SERPINF1: variants seen among roughly 807,000 people sequenced by gnomAD.
SERPINF1 encodes serpin family F member 1, also known as pigment epithelium-derived factor.
Under a neutral mutation model 37.3 loss-of-function variants are expected in SERPINF1, and 29 were observed. That is an observed-to-expected ratio of 0.78 (90% CI 0.58 to 1.06). The LOEUF is 1.06. SERPINF1 is among the 50% of genes least tolerant of loss of function. The pLI is 0.00. For missense variants in SERPINF1, 553 were observed against 532.2 expected (o/e 1.04, Z -0.38); for synonymous variants, 281 against 227.9 (o/e 1.23, Z -2.10).
chr17:1,765,401 A>C (rs939126797), intron 1 of SERPINF1, among the ~76,000 whole-genome samples: 23 of 151,838 alleles, frequency 1.5e-4, no homozygotes, highest in Admixed American at 3.9e-4. Context: ...GGCTCACTGC[A>C]ACCTCTGCCT....
intron 1 of SERPINF1, among the ~76,000 whole-genome samples, chr17:1,763,776 C>T (rs116270751): frequency 0.024 from 3,627 of 152,356 alleles, 151 homozygotes; most frequent in African/African-American, 0.083. Flanking sequence ...TCAGCCTACC[C>T]ACATTGTGAC....
At chr17:1,765,851 A>T (rs1907337183) in intron 1 of SERPINF1, among the ~76,000 whole-genome samples, 1 of 142,648 alleles carries the variant, frequency 7.0e-6, no homozygotes, top group African/African-American at 2.6e-5. Flanking sequence ...TGGGCAGCAC[A>T]GCAAGATCTT....
At position 1,777,465 on chromosome 17, in the gene SERPINF1, C is replaced by G. The variant is rs763077910; in HGVS notation, c.*19C>G. The G allele has an allele frequency of 3.7e-6, 6 of 1,613,912 alleles. No homozygotes were observed. In the South Asian group the frequency reaches 5.5e-5, roughly 15 times the overall value. On this transcript the variant is annotated 3_prime_UTR_variant, in exon 8 of 8. Transcript: ENST00000254722. Reference sequence around the variant, plus strand: ...CCCCTAATATCCCAGTTTAATATTCCAATACCCTAGAAGAAAACCCGAGGG... The same window carrying G: ...CCCCTAATATCCCAGTTTAATATTCGAATACCCTAGAAGAAAACCCGAGGG...
intron 1 of SERPINF1, among the ~76,000 whole-genome samples, chr17:1,762,581 C>T (rs145971505): frequency 6.0e-4 from 91 of 152,324 alleles, no homozygotes; most frequent in African/African-American, 2.1e-3. Flanking sequence ...CTCCCTGCTA[C>T]TTTTTCAAAA....
rs1597350166 is a variant in SERPINF1, at chr17:1,770,056, T to C, written c.283+6T>C. The C allele has an allele frequency of 6.2e-7, 1 of 1,613,876 alleles. No individual in the cohort carries two copies. Among genetic ancestry groups the C allele is most frequent in the Non-Finnish European group, 8.5e-7 (1 of 1,179,962 alleles). On this transcript the variant is annotated splice_donor_region_variant and intron_variant, in intron 3 of 7. Coordinates refer to ENST00000254722, the MANE Select transcript of SERPINF1 (RefSeq NM_002615.7). ...CCTCTCGGCCCTCTCGCTGGGTGAG[T>C]GCTCAGATGCAGGAAGCCCCAGGCA... is the stretch of plus-strand genomic sequence containing the variant.
chr17:1,767,926 G>A (rs555045044), intron 2 of SERPINF1, among the ~76,000 whole-genome samples: 4 of 152,270 alleles, frequency 2.6e-5, no homozygotes, highest in African/African-American at 4.8e-5. Context: ...CAGTTCTGCC[G>A]GGTGCGGTGG....
At chr17:1,765,501 T>C (rs1367054926) in intron 1 of SERPINF1, among the ~76,000 whole-genome samples, 1 of 151,614 alleles carries the variant, frequency 6.6e-6, no homozygotes, top group Non-Finnish European at 1.5e-5. Flanking sequence ...TTTGTATTTT[T>C]AGTATAGATG....
intron 1 of SERPINF1, chr17:1,766,613 A>T (rs1210709756): frequency 3.7e-6 from 1 of 271,512 alleles, no homozygotes; most frequent in Admixed American, 5.5e-5. Flanking sequence ...CTTTAGGCTT[A>T]AAGGAGGGTC....
Position 1,771,926 on chromosome 17 carries a change from G to A in SERPINF1, c.494G>A (p.Arg165Lys), listed in dbSNP as rs1280507224. 3.7e-6 allele frequency: 6 copies of A among 1,613,882 alleles called. No homozygotes were observed. The highest frequency in any genetic ancestry group is 5.1e-6 in the Non-Finnish European group (6 of 1,180,024). ...CCTCTGGAAAAGTCATATGGGACCAGGCCCAGAGTCCTGACGGGCAACCCT... is the reference window on the plus strand; with the variant it reads ...CCTCTGGAAAAGTCATATGGGACCAAGCCCAGAGTCCTGACGGGCAACCCT... ...VAPLEKSYGT[R>K]PRVLTGNPRL... Residue 165 changes from arginine to lysine, a missense_variant, in exon 5 of 8, where the codon AGG (arginine) becomes AAG (lysine). Transcript: ENST00000254722.
rs779079021 is a variant in SERPINF1 at position 1,771,971 on chromosome 17, T to A, written c.539T>A (p.Ile180Asn). ...TGNPRLDLQE[I>N]NNWVQAQMKG... ...AACCCTCGCTTGGACCTGCAAGAGA[T>A]CAACAACTGGGTGCAGGCGCAGATG... The change falls in exon 5 of 8, where the codon ATC becomes AAC. Residue 180 changes from isoleucine to asparagine, a missense_variant. Coordinates refer to ENST00000254722, the MANE Select transcript of SERPINF1 (RefSeq NM_002615.7). 6.2e-7 allele frequency: 1 copy of A among 1,613,246 alleles called. No individual in the cohort carries two copies. The highest frequency in any genetic ancestry group is 8.5e-7 in the Non-Finnish European group (1 of 1,179,930).
intron 6 of SERPINF1, 146 bp from the exon 7 acceptor site, chr17:1,776,386 G>A: frequency 1.3e-6 from 1 of 762,314 alleles, no homozygotes; most frequent in Admixed American, 1.9e-5. Context: ...CTATAACCTG[G>A]AAGGGGAATT....
Position 1,770,041 on chromosome 17 carries a change from C to G in SERPINF1, c.274C>G (p.Leu92Val). ...PLSVATALSALSLGAEQRTES... is the reference protein window; with the variant it reads ...PLSVATALSAVSLGAEQRTES... ...CAGTGTGGCCACGGCCCTCTCGGCC[C>G]TCTCGCTGGGTGAGTGCTCAGATGC... Residue 92 changes from leucine (L) to valine (V), a missense_variant, in exon 3 of 8, where the codon CTC becomes GTC. Coordinates refer to ENST00000254722, the MANE Select transcript of SERPINF1 (RefSeq NM_002615.7). 6.2e-7 allele frequency: 1 copy of G among 1,614,194 alleles called. No homozygotes were observed. Among genetic ancestry groups the G allele is most frequent in the Middle Eastern group, 1.6e-4 (1 of 6,062 alleles).
chr17:1,770,241 G>A (rs1040458284), intron 3 of SERPINF1, among the ~76,000 whole-genome samples, 191 bp downstream of exon 3: 13 of 152,190 alleles, frequency 8.5e-5, no homozygotes, highest in Admixed American at 6.5e-5. Context: ...CCAGCTCCCC[G>A]AAAGGGGCTG....
At position 1,769,965 on chromosome 17, in the gene SERPINF1, C is replaced by G. The variant is rs1303542010; in HGVS notation, c.198C>G (p.Tyr66Ter). The G allele has an allele frequency of 6.2e-7, 1 of 1,614,184 alleles. No homozygotes were observed. The highest frequency in any genetic ancestry group is 8.5e-7 in the Non-Finnish European group (1 of 1,179,998). ...AAVSNFGYDL[Y>*]RVRSSTSPTT... ...TCTCCAACTTCGGCTATGACCTGTA[C>G]CGGGTGCGATCCAGCACGAGCCCCA... The change falls in exon 3 of 8, where the codon TAC becomes TAG. Residue 66 changes from tyrosine (Y) to a stop codon, truncating the protein, a stop_gained. Coordinates refer to ENST00000254722, the MANE Select transcript of SERPINF1 (RefSeq NM_002615.7). LOFTEE classifies it high-confidence loss of function.
chr17:1,776,809 C>A, intron 7 of SERPINF1, 67 bp downstream of exon 7: 1 of 1,456,494 alleles, frequency 6.9e-7, no homozygotes, highest in Non-Finnish European at 9.6e-7. Flanking sequence ...GGGCCTTCCA[C>A]TGTGCTAAGC....
At position 1,776,611 on chromosome 17, in the gene SERPINF1, TAG is replaced by T; in HGVS notation, c.869_870del (p.Glu290GlyfsTer10). ...AAAGTGACCCAGAATTTGACCTTGA[TAG>T]AGGAGAGCCTCACCTCCGAGTTCAT... is the stretch of plus-strand genomic sequence containing the variant. On this transcript the variant is annotated frameshift_variant, in exon 7 of 8. Transcript: ENST00000254722. LOFTEE classifies it high-confidence loss of function. 1.2e-6 allele frequency: 2 copies of T among 1,614,000 alleles called. No individual in the cohort carries two copies. Among genetic ancestry groups the T allele is most frequent in the Non-Finnish European group, 1.7e-6 (2 of 1,180,014 alleles).
Position 1,766,923 on chromosome 17 carries a change from G to T in SERPINF1, c.13G>T (p.Val5Leu). ...TGCAGGCCCCAGGATGCAGGCCCTGGTGCTACTCCTCTGCATTGGAGCCCT... is the reference window on the plus strand; with the variant it reads ...TGCAGGCCCCAGGATGCAGGCCCTGTTGCTACTCCTCTGCATTGGAGCCCT... The part of the protein sequence containing the change: MQAL[V>L]LLLCIGALLG... Residue 5 changes from valine (V) to leucine (L), a missense_variant, in exon 2 of 8, where the codon GTG becomes TTG. Coordinates refer to ENST00000254722, the MANE Select transcript of SERPINF1 (RefSeq NM_002615.7). The T allele has an allele frequency of 6.4e-7, 1 of 1,562,968 alleles. No individual in the cohort carries two copies. The highest frequency in any genetic ancestry group is 8.7e-7 in the Non-Finnish European group (1 of 1,153,500).
intron 7 of SERPINF1, among the ~76,000 whole-genome samples, chr17:1,776,977 A>G (rs1471025083): frequency 1.3e-5 from 2 of 151,556 alleles, no homozygotes; most frequent in African/African-American, 4.9e-5. Context: ...CTGCCTCTCA[A>G]GACGAGTCTG....
chr17:1,766,821 C>T, intron 1 of SERPINF1, 82 bp from the exon 2 acceptor site: 1 of 1,379,618 alleles, frequency 7.2e-7, no homozygotes, highest in Non-Finnish European at 1.0e-6. Flanking sequence ...CCCCTGGGTC[C>T]TGGCTGGGGT....
Sources: allele counts gnomAD v4.1 joint callset (sites outside exome capture counted in the v4.1 genomes callset), GRCh38; gene constraint gnomAD v4.1.1; transcripts MANE v1.5; gene names NCBI Gene and HGNC (gene_info 2026-07-23, HGNC 2026-07-21).